Variants in ZFHX3 observed in about 807,000 individuals in gnomAD.
ZFHX3 encodes the protein zinc finger homeobox 3, also known as zinc finger homeobox protein 3.
In ZFHX3, 42 loss-of-function variants were observed where a neutral mutation model predicts 279.1. That is an observed-to-expected ratio of 0.15 (90% CI 0.12 to 0.19). The LOEUF is 0.19. ZFHX3 is among the 10% of genes least tolerant of loss of function. The probability of loss-of-function intolerance (pLI) is 1.00; values close to 1 mark genes in which losing one functional copy is unlikely to be tolerated. For synonymous variants in ZFHX3, 2,293 were observed against 1,957.8 expected, an observed-to-expected ratio of 1.17 and a Z score of -4.52; for missense variants, 4,981 against 4,754.0, an observed-to-expected ratio of 1.05 and a Z score of -1.40.
intron 2 of ZFHX3, among the ~76,000 whole-genome samples, chr16:73,571,068 TTTCTC>T (rs148969264): frequency 0.19 from 29,093 of 151,810 alleles, 4,506 homozygotes; most frequent in African/African-American, 0.43. Context: ...AAAGAATAAT[TTTCTC>T]TAATCTAATC....
At chr16:72,967,863 A>G (rs930297620) in intron 1 of ZFHX3, among the ~76,000 whole-genome samples, 1 of 151,452 alleles carries the variant, frequency 6.6e-6, no homozygotes, top group Non-Finnish European at 1.5e-5. Flanking sequence ...GGGAGACACA[A>G]CTTGCAGTGA....
In ZFHX3 at chr16:73,263,718, C is replaced by A. The variant is rs139886826; in HGVS notation, c.-1193-6582G>T. Among the ~76,000 whole-genome samples, 73 of 152,346 alleles carry A rather than the reference C, an allele frequency of 4.8e-4. No homozygotes were observed. The East Asian group carries it at 7.3e-3, about 15-fold the overall frequency. ...CAGAGAGCTGCTAGTTGCAGGAGTC[C>A]TCCTGTCCCACCTCTTACTTCACAG... On this transcript the variant is annotated intron_variant, in intron 4 of 17. Coordinates refer to the ZFHX3 transcript ENST00000641206.
intron 1 of ZFHX3, among the ~76,000 whole-genome samples, chr16:73,821,011 A>G (rs1189326491): frequency 6.6e-6 from 1 of 152,176 alleles, no homozygotes; most frequent in African/African-American, 2.4e-5. Flanking sequence ...CCCCTTGACA[A>G]ATGATGGGAC....
chr16:73,035,428 T>G (rs1270718910), intron 1 of ZFHX3, among the ~76,000 whole-genome samples: 1 of 152,182 alleles, frequency 6.6e-6, no homozygotes, highest in Non-Finnish European at 1.5e-5. Context: ...TGAGACAGAC[T>G]TCTCTTGTCT....
intron 2 of ZFHX3, among the ~76,000 whole-genome samples, chr16:73,498,633 A>G (rs1265127652): frequency 6.6e-6 from 1 of 152,218 alleles, no homozygotes; most frequent in Non-Finnish European, 1.5e-5. Context: ...TCAGGGAGTA[A>G]TTATTGGCTA....
Position 72,957,761 on chromosome 16 carries a change from C to G in ZFHX3, c.2385G>C (p.Pro795=), listed in dbSNP as rs10852515. ...NISSSCGAPS[P]TKPKTKPTWR... ...AGGTGGGTTTGGTTTTTGGTTTGGTCGGCGAGGGGGCCCCGCAGGAGCTAC... is the reference window on the plus strand; with the variant it reads ...AGGTGGGTTTGGTTTTTGGTTTGGTGGGCGAGGGGGCCCCGCAGGAGCTAC... Residue 795 remains proline, a synonymous_variant, in exon 2 of 10, where the codon CCG becomes CCC. Transcript: ENST00000268489. 1,369,440 of 1,613,940 alleles carry G rather than the reference C, an allele frequency of 0.85. 583,174 individuals are homozygous for G. Among genetic ancestry groups the G allele is most frequent in the Admixed American group, 0.92 (55,475 of 60,022 alleles).
At chr16:73,351,591 A>C (rs961852359) in intron 3 of ZFHX3, among the ~76,000 whole-genome samples, 2 of 152,344 alleles carry the variant, frequency 1.3e-5, no homozygotes, top group African/African-American at 2.4e-5. Context: ...CTCCGTCTTA[A>C]GTGGGCATTG....
intron 1 of ZFHX3, among the ~76,000 whole-genome samples, chr16:73,777,267 G>A (rs1476216512): frequency 6.6e-6 from 1 of 152,072 alleles, no homozygotes; most frequent in Non-Finnish European, 1.5e-5. Context: ...ACTTTAGGAG[G>A]CCAAGGCAGG....
chr16:73,115,585 T>C (rs1053591537), intron 7 of ZFHX3, among the ~76,000 whole-genome samples: 1 of 151,990 alleles, frequency 6.6e-6, no homozygotes, highest in African/African-American at 2.4e-5. Context: ...TCCTTCAGCA[T>C]CTCCCACCTT....
chr16:72,999,891 TC>T lies in ZFHX3; in HGVS notation c.-49-39698del, dbSNP rs1379372152. Among the ~76,000 whole-genome samples the T allele has an allele frequency of 1.1e-4, 17 of 152,328 alleles. 1 individual carries two copies. The highest frequency in any genetic ancestry group is 9.8e-4 in the Admixed American group (15 of 15,300). ...CAAGCTGAAAGCTTCTGCAGGCTCATCCATCCAGATTCAGCTCTAAGAGCAG... is the reference window on the plus strand; with the variant it reads ...CAAGCTGAAAGCTTCTGCAGGCTCATCATCCAGATTCAGCTCTAAGAGCAG... On this transcript the variant is annotated intron_variant, in intron 1 of 9. Coordinates refer to ENST00000268489, the MANE Select transcript of ZFHX3 (RefSeq NM_006885.4).
chr16:73,247,044 T>C (rs1486745063), intron 5 of ZFHX3, among the ~76,000 whole-genome samples: 1 of 152,178 alleles, frequency 6.6e-6, no homozygotes, highest in Non-Finnish European at 1.5e-5. Context: ...TGCATATGTG[T>C]CTGTGTGTCT....
rs1022713695 is a variant in ZFHX3, at chr16:72,784,020, A to T, written c.*3144T>A. 2.0e-5 allele frequency: 3 copies of T among 152,292 alleles called. No individual in the cohort carries two copies. Among genetic ancestry groups the T allele is most frequent in the African/African-American group, 7.2e-5 (3 of 41,448 alleles). The allele number at this position is 152,292 out of a possible 1,614,324, so 9.4% of individuals were successfully genotyped here. ...GCTGAGAATTATTCTTACTTTTTTC[A>T]ATGAACATATATGTGGGCGGTTTAG... On this transcript the variant is annotated 3_prime_UTR_variant, in exon 10 of 10. Coordinates refer to ENST00000268489, the MANE Select transcript of ZFHX3 (RefSeq NM_006885.4).
chr16:73,593,546 G>C (rs1169874045), intron 2 of ZFHX3, among the ~76,000 whole-genome samples: 1 of 134,614 alleles, frequency 7.4e-6, no homozygotes, highest in Non-Finnish European at 1.6e-5. Context: ...TTGAAATATA[G>C]TATTCAGAAG....
intron 5 of ZFHX3, among the ~76,000 whole-genome samples, chr16:73,215,657 T>C (rs1474658219): frequency 6.6e-6 from 1 of 152,208 alleles, no homozygotes; most frequent in African/African-American, 2.4e-5. Flanking sequence ...TGCTGTGTTT[T>C]CTCCACCCCT....
At chr16:73,217,629 C>G (rs979374312) in intron 5 of ZFHX3, among the ~76,000 whole-genome samples, 3 of 152,130 alleles carry the variant, frequency 2.0e-5, no homozygotes, top group Admixed American at 6.5e-5. Flanking sequence ...AGCTAGGTTA[C>G]AATGTACCCT....
intron 2 of ZFHX3, among the ~76,000 whole-genome samples, chr16:73,495,137 T>C (rs1349989636): frequency 3.3e-5 from 5 of 152,248 alleles, no homozygotes; most frequent in African/African-American, 1.2e-4. Flanking sequence ...TTGATACTTA[T>C]GACTGGCTGG....
chr16:73,369,694 T>C (rs949600663), intron 3 of ZFHX3, among the ~76,000 whole-genome samples: 4 of 152,194 alleles, frequency 2.6e-5, no homozygotes, highest in African/African-American at 7.2e-5. Flanking sequence ...CTGGTGGCTC[T>C]TGCTCCTGAA....
intron 4 of ZFHX3, among the ~76,000 whole-genome samples, chr16:72,871,498 C>T (rs2038160177): frequency 6.6e-6 from 1 of 151,990 alleles, no homozygotes; most frequent in African/African-American, 2.4e-5. Context: ...CGCGCCACCA[C>T]GCCCAGCTAA....
At chr16:73,396,561 G>T (rs12927703) in intron 3 of ZFHX3, among the ~76,000 whole-genome samples, 8,873 of 152,224 alleles carry the variant, frequency 0.058, 342 homozygotes, top group Middle Eastern at 0.082. Flanking sequence ...AGGCTGGAAA[G>T]GAAACTTACA....
Sources: gnomAD v4.1 joint callset for allele counts (sites outside exome capture counted in the v4.1 genomes callset) on GRCh38, gnomAD v4.1.1 for gene constraint, MANE v1.5 for transcripts, NCBI Gene and HGNC (gene_info 2026-07-23, HGNC 2026-07-21) for gene names.